Variants in CACNG3 observed in about 807,000 individuals in gnomAD.
CACNG3 encodes voltage-dependent calcium channel gamma-3 subunit.
Under a neutral mutation model 28.5 loss-of-function variants are expected in CACNG3, and 3 were observed. That is an observed-to-expected ratio of 0.11 (90% CI 0.05 to 0.27). The LOEUF is 0.27. CACNG3 is among the 10% of genes least tolerant of loss of function. The pLI is 1.00. For missense variants in CACNG3, 236 were observed against 414.4 expected (o/e 0.57, Z 3.74); for synonymous variants, 174 against 162.2 (o/e 1.07, Z -0.55).
chr16:24,280,833 A>C (rs1241211230), intron 1 of CACNG3, among the ~76,000 whole-genome samples: 3 of 150,924 alleles, frequency 2.0e-5, no homozygotes, highest in African/African-American at 7.3e-5. Context: ...AAAAAAAAAA[A>C]AAAAAAAAAA....
intron 1 of CACNG3, among the ~76,000 whole-genome samples, chr16:24,339,536 C>T (rs985193371): frequency 6.6e-6 from 1 of 152,092 alleles, no homozygotes; most frequent in African/African-American, 2.4e-5. Context: ...TAGGTGCCCG[C>T]CACCACGCCC....
At chr16:24,354,317 C>T (rs1899999098) in intron 2 of CACNG3, among the ~76,000 whole-genome samples, 1 of 152,166 alleles carries the variant, frequency 6.6e-6, no homozygotes, top group African/African-American at 2.4e-5. Flanking sequence ...CAGGGACATT[C>T]TCCCAGTGAG....
At chr16:24,306,200 G>A (rs72781845) in intron 1 of CACNG3, among the ~76,000 whole-genome samples, 9,388 of 152,256 alleles carry the variant, frequency 0.062, 517 homozygotes, top group Non-Finnish European at 0.078. Context: ...TGGAGCCACC[G>A]TGTGGTCACT....
intron 1 of CACNG3, among the ~76,000 whole-genome samples, chr16:24,311,876 A>G (rs1467111830): frequency 6.6e-6 from 1 of 152,206 alleles, no homozygotes; most frequent in Admixed American, 6.5e-5. Context: ...AATAAAATTA[A>G]ATGGTGGTAA....
At position 24,285,225 on chromosome 16, in the gene CACNG3, A is replaced by T. The variant is rs191840068; in HGVS notation, c.211+28260A>T. On this transcript the variant is annotated intron_variant, in intron 1 of 3. Coordinates refer to ENST00000005284, the MANE Select transcript of CACNG3 (RefSeq NM_006539.4). ...GCCCCTGCTCTCAGGGACTTTGCAT[A>T]TGAGGAAAATCCTTTCTTAGCTATG... is the stretch of plus-strand genomic sequence containing the variant. Among the ~76,000 whole-genome samples, 216 of 152,322 alleles carry T rather than the reference A, an allele frequency of 1.4e-3. 1 individual carries two copies. The highest frequency in any genetic ancestry group is 2.6e-3 in the Non-Finnish European group (177 of 68,026).
At chr16:24,338,264 A>G (rs1358199775) in intron 1 of CACNG3, among the ~76,000 whole-genome samples, 1 of 151,838 alleles carries the variant, frequency 6.6e-6, no homozygotes, top group Non-Finnish European at 1.5e-5. Context: ...ACCCTATCCA[A>G]TGTTGCCCTC....
chr16:24,334,822 C>T lies in CACNG3; in HGVS notation c.212-11912C>T, dbSNP rs745960680. On this transcript the variant is annotated intron_variant, in intron 1 of 3. Coordinates refer to ENST00000005284, the MANE Select transcript of CACNG3 (RefSeq NM_006539.4). ...CTCCCGGGAGTGATGGTTCCTGGGG[C>T]TCCTTGCCTGGGTTAGCGCTCTGTG... 4.6e-5 allele frequency among the ~76,000 whole-genome samples: 7 copies of T among 152,190 alleles called. No homozygotes were observed. The East Asian group carries it at 1.2e-3, about 25-fold the overall frequency.
chr16:24,340,285 A>G (rs993933585), intron 1 of CACNG3, among the ~76,000 whole-genome samples: 2 of 152,090 alleles, frequency 1.3e-5, no homozygotes, highest in African/African-American at 4.8e-5. Context: ...CTGTAGTTCC[A>G]GCTATAGGAG....
At chr16:24,282,279 G>A (rs1898839493) in intron 1 of CACNG3, among the ~76,000 whole-genome samples, 1 of 152,158 alleles carries the variant, frequency 6.6e-6, no homozygotes, top group Non-Finnish European at 1.5e-5. Flanking sequence ...TTCTAGTCAT[G>A]CAGTAATGTA....
intron 1 of CACNG3, among the ~76,000 whole-genome samples, chr16:24,308,324 G>T (rs1346391782): frequency 6.6e-6 from 1 of 152,116 alleles, no homozygotes; most frequent in East Asian, 1.9e-4. Flanking sequence ...TCCTGGACTA[G>T]ATGTGACTGT....
intron 1 of CACNG3, among the ~76,000 whole-genome samples, chr16:24,285,519 G>A (rs950861562): frequency 1.3e-5 from 2 of 152,098 alleles, no homozygotes; most frequent in East Asian, 3.9e-4. Flanking sequence ...AGGAGAAGGA[G>A]CATCATTTGC....
chr16:24,357,769 G>A (rs1267202268), intron 3 of CACNG3, among the ~76,000 whole-genome samples: 1 of 152,316 alleles, frequency 6.6e-6, no homozygotes, highest in African/African-American at 2.4e-5. Context: ...CCGGGTGCTT[G>A]GCCGATCCAG....
intron 1 of CACNG3, among the ~76,000 whole-genome samples, chr16:24,341,326 T>C (rs1281641940): frequency 6.6e-6 from 1 of 152,244 alleles, no homozygotes. Flanking sequence ...GTGTGGAGTC[T>C]TCCTTGGGGA....
intron 1 of CACNG3, among the ~76,000 whole-genome samples, chr16:24,280,843 AAAG>A (rs1898817068): frequency 1.3e-5 from 2 of 151,210 alleles, no homozygotes; most frequent in African/African-American, 4.9e-5. Flanking sequence ...AAAAAAAAAA[AAAG>A]ACCAGACCGT....
intron 1 of CACNG3, among the ~76,000 whole-genome samples, chr16:24,322,215 T>C (rs1899471522): frequency 6.6e-6 from 1 of 152,120 alleles, no homozygotes; most frequent in African/African-American, 2.4e-5. Context: ...CCCATTTGGA[T>C]TGAAATGCTC....
intron 1 of CACNG3, among the ~76,000 whole-genome samples, chr16:24,270,471 A>G (rs1898671908): frequency 6.6e-6 from 1 of 152,246 alleles, no homozygotes; most frequent in African/African-American, 2.4e-5. Context: ...AGAAAGATCA[A>G]ATCAAGAGGC....
At chr16:24,331,219 C>A (rs1298778369) in intron 1 of CACNG3, among the ~76,000 whole-genome samples, 1 of 152,100 alleles carries the variant, frequency 6.6e-6, no homozygotes, top group Non-Finnish European at 1.5e-5. Flanking sequence ...CCCTCAATAA[C>A]CAAATAATGA....
rs372055384 is a variant in CACNG3, at chr16:24,267,106, A to G, written c.211+10141A>G. 1.5e-4 allele frequency among the ~76,000 whole-genome samples: 22 copies of G among 151,326 alleles called. No individual in the cohort carries two copies. The East Asian group carries it at 4.3e-3, about 29-fold the overall frequency. Reference sequence around the variant, plus strand: ...CTCAGCCTCCCGAGTAGCTGGGACTACAGGAGCCCGCCACCACACCTGGCT... The same window carrying G: ...CTCAGCCTCCCGAGTAGCTGGGACTGCAGGAGCCCGCCACCACACCTGGCT... On this transcript the variant is annotated intron_variant, in intron 1 of 3. Coordinates refer to ENST00000005284, the MANE Select transcript of CACNG3 (RefSeq NM_006539.4).
chr16:24,329,324 G>A (rs1899602639), intron 1 of CACNG3, among the ~76,000 whole-genome samples: 1 of 152,202 alleles, frequency 6.6e-6, no homozygotes, highest in African/African-American at 2.4e-5. Flanking sequence ...TTGCTTGGGA[G>A]CAAATCTGTT....
Sources: gnomAD v4.1 joint callset for allele counts (sites outside exome capture counted in the v4.1 genomes callset) on GRCh38, gnomAD v4.1.1 for gene constraint, MANE v1.5 for transcripts, NCBI Gene and HGNC (gene_info 2026-07-23, HGNC 2026-07-21) for gene names.